SVEP1: variants seen among roughly 807,000 people sequenced by gnomAD.
The protein encoded by SVEP1 is sushi, von Willebrand factor type A, EGF and pentraxin domain-containing protein 1.
Under a neutral mutation model 367.3 loss-of-function variants are expected in SVEP1, and 164 were observed. The observed-to-expected ratio is 0.45, with a 90% CI of 0.39 to 0.51. The LOEUF (loss-of-function observed/expected upper bound fraction) is 0.51, where lower values mean the gene tolerates loss of function less well. Among genes scored for constraint, SVEP1 ranks in the 20% least tolerant of loss-of-function variants. The pLI, the probability that SVEP1 is intolerant of heterozygous loss-of-function variation, is 0.00. For synonymous variants in SVEP1, 1,666 were observed against 1,611.6 expected, an observed-to-expected ratio of 1.03 and a Z score of -0.81; for missense variants, 4,117 against 4,425.3, an observed-to-expected ratio of 0.93 and a Z score of 1.98.
In SVEP1 at chr9:110,407,642, T is replaced by C; in HGVS notation, c.7958A>G (p.His2653Arg). The C allele has an allele frequency of 6.2e-7, 1 of 1,613,996 alleles. No individual in the cohort carries two copies. Reference protein sequence around the residue: ...VPYVTPHPPYHLGAVAKTWEN... With the variant: ...VPYVTPHPPYRLGAVAKTWEN... ...CCAGGTTTTAGCCACTGCTCCCAAA[T>C]GATAAGGAGGGTGAGGAGTCACATA... Residue 2653 changes from histidine (H) to arginine (R), a missense_variant, in exon 38 of 48, where the codon CAT becomes CGT. Coordinates refer to ENST00000374469, the MANE Select transcript of SVEP1 (RefSeq NM_153366.4).
At chr9:110,396,740 T>G (rs1469444359) in intron 40 of SVEP1, among the ~76,000 whole-genome samples, 1 of 151,858 alleles carries the variant, frequency 6.6e-6, no homozygotes, top group Non-Finnish European at 1.5e-5. Context: ...CTAGAAAATC[T>G]AGAAGAAATG....
chr9:110,455,744 G>A (rs1828767612), intron 21 of SVEP1, 41 bp from the exon 22 acceptor site: 1 of 1,491,372 alleles, frequency 6.7e-7, no homozygotes. Context: ...TCCAAGGATG[G>A]GATTAACCGA....
intron 6 of SVEP1, 29 bp from the exon 7 acceptor site, chr9:110,499,267 TTTGTG>T (rs1829496120): frequency 6.3e-7 from 1 of 1,577,878 alleles, no homozygotes; most frequent in Admixed American, 1.8e-5. Context: ...GAGAATGTTA[TTTGTG>T]TTCCCACAAA....
At chr9:110,464,979 T>C (rs1828912718) in intron 18 of SVEP1, among the ~76,000 whole-genome samples, 1 of 152,178 alleles carries the variant, frequency 6.6e-6, no homozygotes. Flanking sequence ...TGTTCATGAG[T>C]ATTTTGCTGG....
Position 110,366,628 on chromosome 9 carries a change from C to T in SVEP1, c.10695-68G>A, listed in dbSNP as rs1280555450. ...AAATTGAACTGAAGAGCTAACATCT[C>T]TTTAGGAGTTGATGAAAACAGGATT... is the stretch of plus-strand genomic sequence containing the variant. On this transcript the variant is annotated intron_variant, in intron 47 of 47. Transcript: ENST00000374469. The T allele has an allele frequency of 3.4e-6, 5 of 1,455,482 alleles. No homozygotes were observed. In the South Asian group the frequency reaches 5.4e-5, roughly 16 times the overall value. The allele number at this position is 1,455,482 out of a possible 1,614,324, so 90.2% of individuals were successfully genotyped here.
intron 41 of SVEP1, 27 bp downstream of exon 41, chr9:110,389,497 G>T: frequency 4.3e-6 from 7 of 1,609,640 alleles, no homozygotes; most frequent in Non-Finnish European, 5.9e-6. Context: ...TGTCATTTTG[G>T]GGGCTGCTAA....
rs1830669348 is a variant in SVEP1, at chr9:110,579,565, G to A, written c.-22C>T. The A allele has an allele frequency of 1.3e-6, 2 of 1,547,900 alleles. No homozygotes were observed. Among genetic ancestry groups the A allele is most frequent in the Non-Finnish European group, 1.7e-6 (2 of 1,153,816 alleles). On this transcript the variant is annotated 5_prime_UTR_variant, in exon 1 of 48. Coordinates refer to ENST00000374469, the MANE Select transcript of SVEP1 (RefSeq NM_153366.4). The surrounding 1 kb of genome is among the most constrained non-coding windows in gnomAD (Gnocchi z 5.3). ...ACATCGCGCTGGAGACAGAGCGGCT[G>A]CCCCGGAGCGCAGGCGGCGGCTCGG...
At chr9:110,564,493 C>CA (rs1830466600) in intron 1 of SVEP1, among the ~76,000 whole-genome samples, 1 of 152,136 alleles carries the variant, frequency 6.6e-6, no homozygotes. Context: ...TCAAATCTGA[C>CA]ACAAGAGGGG....
intron 45 of SVEP1, 194 bp downstream of exon 45, chr9:110,377,077 C>A: frequency 2.2e-6 from 1 of 456,074 alleles, no homozygotes; most frequent in Non-Finnish European, 3.9e-6. Flanking sequence ...ATCTTAATAA[C>A]AGTATTTTCA....
intron 1 of SVEP1, among the ~76,000 whole-genome samples, chr9:110,562,673 C>T (rs1049110534): frequency 6.6e-6 from 1 of 152,044 alleles, no homozygotes; most frequent in Non-Finnish European, 1.5e-5. Context: ...GGCAAGAATG[C>T]CTCATCACTT....
At chr9:110,517,515 T>C (rs1159947305) in intron 3 of SVEP1, among the ~76,000 whole-genome samples, 3 of 150,940 alleles carry the variant, frequency 2.0e-5, no homozygotes, top group African/African-American at 4.9e-5. Context: ...GGAGAATCAC[T>C]TGAACTCGGG....
Position 110,450,186 on chromosome 9 carries a change from C to A in SVEP1, c.3976G>T (p.Val1326Phe). ...GGGCATTTGCACAAGAATCCCCCAA[C>A]CTGGTCTTCACAGACTGCATTATTT... ...CLNNAVCEDQVGGFLCKCPPG... is the reference protein window; with the variant it reads ...CLNNAVCEDQFGGFLCKCPPG... Residue 1326 changes from valine to phenylalanine, a missense_variant, in exon 24 of 48, where the codon GTT becomes TTT. Val to Phe is a conservative substitution (Grantham distance 50). This residue lies in a region of SVEP1 where 2,174 missense variants were observed against 2,494.3 expected (regional missense o/e 0.87). Coordinates refer to ENST00000374469, the MANE Select transcript of SVEP1 (RefSeq NM_153366.4). 6.2e-7 allele frequency: 1 copy of A among 1,613,910 alleles called. No homozygotes were observed. The highest frequency in any genetic ancestry group is 1.1e-5 in the South Asian group (1 of 91,086).
At chr9:110,545,504 C>A (rs1015245449) in intron 3 of SVEP1, among the ~76,000 whole-genome samples, 1 of 152,148 alleles carries the variant, frequency 6.6e-6, no homozygotes, top group Non-Finnish European at 1.5e-5. Flanking sequence ...CTTTTCAATG[C>A]ACTTTTGTGG....
At chr9:110,502,148 G>A (rs1829543450) in intron 6 of SVEP1, among the ~76,000 whole-genome samples, 1 of 150,720 alleles carries the variant, frequency 6.6e-6, no homozygotes, top group Admixed American at 6.6e-5. Flanking sequence ...TGTCGCTGGG[G>A]CTAGAGTGCA....
chr9:110,443,387 T>C, intron 27 of SVEP1, 158 bp downstream of exon 27: 1 of 665,768 alleles, frequency 1.5e-6, no homozygotes, highest in Non-Finnish European at 2.2e-6. Context: ...AAGCTTCTAA[T>C]AACCCACAGT....
intron 16 of SVEP1, among the ~76,000 whole-genome samples, chr9:110,470,841 T>C (rs562949102): frequency 4.4e-4 from 67 of 151,842 alleles, no homozygotes; most frequent in African/African-American, 1.2e-3. Context: ...AGGTTTCTTA[T>C]GTATGTATAC....
chr9:110,425,814 T>A (rs2781269), intron 36 of SVEP1, among the ~76,000 whole-genome samples: 101,746 of 151,986 alleles, frequency 0.67, 34,615 homozygotes, highest in African/African-American at 0.79. Context: ...AATATTCAAA[T>A]ATACATGCAA....
intron 1 of SVEP1, among the ~76,000 whole-genome samples, chr9:110,567,484 G>A (rs944327008): frequency 6.6e-6 from 1 of 152,134 alleles, no homozygotes; most frequent in Non-Finnish European, 1.5e-5. Context: ...AATATTGAAA[G>A]AGAAAAAGTG....
chr9:110,538,710 G>A (rs901694702), intron 3 of SVEP1, among the ~76,000 whole-genome samples: 1 of 152,044 alleles, frequency 6.6e-6, no homozygotes, highest in Non-Finnish European at 1.5e-5. Flanking sequence ...TGCTAATCAT[G>A]CCTAACTCAT....
Sources: gnomAD v4.1 joint callset for allele counts (sites outside exome capture counted in the v4.1 genomes callset) on GRCh38, gnomAD v4.1.1 for gene constraint, gnomAD v4.1.1 regional missense constraint, Gnocchi (gnomAD v3.1) non-coding constraint, MANE v1.5 for transcripts, NCBI Gene and HGNC (gene_info 2026-07-23, HGNC 2026-07-21) for gene names.